The following CFAP300 variants were observed in gnomAD, a reference collection of about 807,000 sequenced individuals.
CFAP300 encodes the protein cilia- and flagella-associated protein 300.
CFAP300 carries 32 observed loss-of-function variants against 33.0 expected under a neutral mutation model. The ratio of observed to expected loss-of-function variants is 0.97; its 90% confidence interval spans 0.73 to 1.30. The LOEUF is 1.30. Among genes scored for constraint, CFAP300 ranks in the 50% most tolerant of loss-of-function variants. The pLI, the probability that CFAP300 is intolerant of heterozygous loss-of-function variation, is 0.00. For synonymous variants in CFAP300, 102 were observed against 106.8 expected (o/e 0.95, Z 0.28); for missense variants, 356 against 318.1 (o/e 1.12, Z -0.90).
chr11:102,047,532 C>A lies in CFAP300; in HGVS notation c.62C>A (p.Thr21Asn). The change falls in exon 1 of 7, where the codon ACC becomes AAC. Residue 21 changes from threonine (T) to asparagine (N), a missense_variant. Transcript: ENST00000434758. The stretch of plus-strand genomic sequence containing the variant: ...TACTTCAGGTTCTTGCCTCAGAAAA[C>A]CTTCCAGTCTCTGAGCTCTAAGGAG... ...GYYFRFLPQKTFQSLSSKEIT... is the reference protein window; with the variant it reads ...GYYFRFLPQKNFQSLSSKEIT... 1 of 1,536,028 alleles carries A rather than the reference C, an allele frequency of 6.5e-7. No individual in the cohort carries two copies. Among genetic ancestry groups the A allele is most frequent in the Non-Finnish European group, 8.7e-7 (1 of 1,146,810 alleles).
intron 2 of CFAP300, among the ~76,000 whole-genome samples, chr11:102,048,624 T>C (rs1186835543): frequency 6.6e-6 from 1 of 152,162 alleles, no homozygotes; most frequent in Non-Finnish European, 1.5e-5. Flanking sequence ...CTCTGAGAAC[T>C]GGGCTTCAGG....
chr11:102,074,981 A>T (rs1431501768), intron 4 of CFAP300, among the ~76,000 whole-genome samples: 1 of 152,064 alleles, frequency 6.6e-6, no homozygotes, highest in Non-Finnish European at 1.5e-5. Flanking sequence ...TGCTGAGATT[A>T]TAGGCACAAA....
At chr11:102,079,689 A>G (rs1284886860) in intron 5 of CFAP300, among the ~76,000 whole-genome samples, 1 of 152,184 alleles carries the variant, frequency 6.6e-6, no homozygotes, top group Non-Finnish European at 1.5e-5. Flanking sequence ...ACACCTAAAA[A>G]AGTAGAGAAG....
intron 3 of CFAP300, among the ~76,000 whole-genome samples, chr11:102,063,203 C>T (rs1942175526): frequency 6.6e-6 from 1 of 152,224 alleles, no homozygotes; most frequent in Non-Finnish European, 1.5e-5. Context: ...GCAAGACTGC[C>T]ACCTCGGTGG....
intron 2 of CFAP300, among the ~76,000 whole-genome samples, chr11:102,049,925 A>G (rs1591312369): frequency 6.6e-6 from 1 of 151,888 alleles, no homozygotes; most frequent in South Asian, 2.1e-4. Flanking sequence ...CTGAGGCAGG[A>G]GGATCACTTG....
At chr11:102,049,439 C>CT (rs1271347804) in intron 2 of CFAP300, among the ~76,000 whole-genome samples, 1 of 152,114 alleles carries the variant, frequency 6.6e-6, no homozygotes, top group African/African-American at 2.4e-5. Flanking sequence ...ACTAAGGTCA[C>CT]TTTGTGATAT....
intron 5 of CFAP300, among the ~76,000 whole-genome samples, 199 bp from the exon 6 acceptor site, chr11:102,081,016 T>G (rs1229297229): frequency 6.6e-6 from 1 of 152,230 alleles, no homozygotes; most frequent in African/African-American, 2.4e-5. Flanking sequence ...GATTCAATTT[T>G]CTGCTATTTC....
At chr11:102,057,454 T>G (rs1453687185) in intron 2 of CFAP300, among the ~76,000 whole-genome samples, 1 of 152,180 alleles carries the variant, frequency 6.6e-6, no homozygotes, top group Non-Finnish European at 1.5e-5. Flanking sequence ...TTAGTTTTTT[T>G]TTTTAATCAC....
rs1342162709 is a variant in CFAP300, at chr11:102,076,019, A to T, written c.582A>T (p.Thr194=). 1 of 1,612,704 alleles carries T rather than the reference A, an allele frequency of 6.2e-7. No individual in the cohort carries two copies. The highest frequency in any genetic ancestry group is 1.1e-5 in the South Asian group (1 of 90,572). Residue 194 remains threonine (T), a synonymous_variant, in exon 5 of 7, where the codon ACA becomes ACT. Transcript: ENST00000434758. The part of the protein sequence containing the change: ...EDVISPYLET[T]KLIYKDLVSV... ...TGATTAGCCCATATCTGGAAACAAC[A>T]AAGCTTATCTATAAGGATCTGGTGA...
chr11:102,074,925 T>G (rs1436899556), intron 4 of CFAP300, among the ~76,000 whole-genome samples: 2 of 151,280 alleles, frequency 1.3e-5, no homozygotes, highest in African/African-American at 4.8e-5. Context: ...CAGGCTGGCC[T>G]CAAGCTCCTG....
At chr11:102,082,720 C>T (rs1423455865) in intron 6 of CFAP300, among the ~76,000 whole-genome samples, 2 of 152,024 alleles carry the variant, frequency 1.3e-5, no homozygotes, top group African/African-American at 4.8e-5. Context: ...TAGGATTGGC[C>T]GGGTGCTGTG....
At chr11:102,047,763 C>A in intron 1 of CFAP300, 52 bp from the exon 2 acceptor site, 1 of 1,595,412 alleles carries the variant, frequency 6.3e-7, no homozygotes, top group Non-Finnish European at 8.6e-7. Context: ...TATCGGTGCG[C>A]TCTGAGAGGG....
chr11:102,081,449 A>G, intron 6 of CFAP300, 168 bp downstream of exon 6: 1 of 626,984 alleles, frequency 1.6e-6, no homozygotes. Flanking sequence ...TTGTTTGGAG[A>G]ACAATTTGAA....
chr11:102,078,184 C>T lies in CFAP300; in HGVS notation c.608+2139C>T, dbSNP rs117537329. Reference sequence around the variant, plus strand: ...CTGGGATTACAGGTGTAAGCCGCCGCGCCCAGTCAGGTCCTTGTTTTTTAA... The same window carrying T: ...CTGGGATTACAGGTGTAAGCCGCCGTGCCCAGTCAGGTCCTTGTTTTTTAA... On this transcript the variant is annotated intron_variant, in intron 5 of 6. Transcript: ENST00000434758. Among the ~76,000 whole-genome samples, 200 of 152,186 alleles carry T rather than the reference C, an allele frequency of 1.3e-3. 4 individuals are homozygous for T. The East Asian group carries it at 0.03, about 23-fold the overall frequency.
At chr11:102,066,010 T>G (rs933413938) in intron 3 of CFAP300, among the ~76,000 whole-genome samples, 7 of 147,480 alleles carry the variant, frequency 4.7e-5, no homozygotes, top group Admixed American at 2.1e-4. Context: ...TAGGCTGGAG[T>G]GCAGTGTCGC....
intron 5 of CFAP300, among the ~76,000 whole-genome samples, chr11:102,080,812 A>G (rs1395134962): frequency 6.6e-6 from 1 of 152,224 alleles, no homozygotes; most frequent in East Asian, 1.9e-4. Flanking sequence ...AATCCTACTC[A>G]AAGTGAAAGA....
chr11:102,062,951 T>C (rs17097402), intron 3 of CFAP300, among the ~76,000 whole-genome samples: 2,201 of 152,288 alleles, frequency 0.014, 104 homozygotes, highest in Admixed American at 0.096. Flanking sequence ...GACTGGACCA[T>C]AGAGCTATTG....
At chr11:102,055,791 G>A (rs1311838583) in intron 2 of CFAP300, among the ~76,000 whole-genome samples, 3 of 149,626 alleles carry the variant, frequency 2.0e-5, no homozygotes, top group Non-Finnish European at 2.9e-5. Context: ...TCCTGCCTCA[G>A]CCTCCCGAGT....
At chr11:102,057,229 C>T (rs984428421) in intron 2 of CFAP300, among the ~76,000 whole-genome samples, 1 of 151,172 alleles carries the variant, frequency 6.6e-6, no homozygotes, top group African/African-American at 2.4e-5. Context: ...ATCCCAGCTA[C>T]TCAGGAGACT....
Sources: allele counts gnomAD v4.1 joint callset (sites outside exome capture counted in the v4.1 genomes callset), GRCh38; gene constraint gnomAD v4.1.1; transcripts MANE v1.5; gene names NCBI Gene and HGNC (gene_info 2026-07-23, HGNC 2026-07-21).